ZSCAN12: variants seen among roughly 807,000 people sequenced by gnomAD.
The protein encoded by ZSCAN12 is zinc finger and SCAN domain-containing protein 12.
A neutral mutation model predicts 23.4 loss-of-function variants in ZSCAN12; 18 were observed. The ratio of observed to expected loss-of-function variants is 0.77; its 90% CI spans 0.53 to 1.14. The LOEUF is 1.14. ZSCAN12 is among the 50% of genes most tolerant of loss of function. ZSCAN12 has a pLI of 0.00. For missense variants in ZSCAN12, 650 were observed against 735.0 expected, an observed-to-expected ratio of 0.88 and a Z score of 1.34; for synonymous variants, 186 against 253.4, an observed-to-expected ratio of 0.73 and a Z score of 2.53.
Position 28,390,517 on chromosome 6 carries a change from C to A in ZSCAN12, c.1773G>T (p.Arg591Ser). Residue 591 changes from arginine (R) to serine (S), a missense_variant, in exon 4 of 4, where the codon AGG becomes AGT. Transcript: ENST00000684592. ...GATGTTGAGTAAGAGCTGAGTTCTG[C>A]CTGAATGATTTCCCACACTCTTTAC... is the stretch of plus-strand genomic sequence containing the variant. ...YVCKECGKSF[R>S]QNSALTQHQT... 1.3e-6 allele frequency: 2 copies of A among 1,553,728 alleles called. No individual in the cohort carries two copies. Among genetic ancestry groups the A allele is most frequent in the Admixed American group, 3.9e-5 (2 of 51,144 alleles).
At chr6:28,381,208 C>A (rs1376686099), downstream of ZSCAN12, 2 of 152,074 alleles carry the variant, frequency 1.3e-5, no homozygotes, top group South Asian at 2.1e-4. Flanking sequence ...ATCATGAAAC[C>A]AAGAGAAAGT....
Position 28,391,576 on chromosome 6 carries a change from A to G in ZSCAN12, c.714T>C (p.Ala238=). The part of the protein sequence containing the change: ...EPEEITEEPS[A]CSREDKQPTC... ...TAGGTTGTTTATCTTCTCTGGAGCAAGCAGAGGGCTCTTCTGTTATTTCTT... is the reference window on the plus strand; with the variant it reads ...TAGGTTGTTTATCTTCTCTGGAGCAGGCAGAGGGCTCTTCTGTTATTTCTT... The change falls in exon 4 of 4, where the codon GCT becomes GCC. Residue 238 remains alanine (A), a synonymous_variant. Transcript: ENST00000684592. The surrounding 1 kb of genome is among the most constrained non-coding windows in gnomAD (Gnocchi z 4.1). 6.4e-7 allele frequency: 1 copy of G among 1,552,286 alleles called. No individual in the cohort carries two copies. Among genetic ancestry groups the G allele is most frequent in the Non-Finnish European group, 8.7e-7 (1 of 1,147,106 alleles).
Position 28,390,729 on chromosome 6 carries a change from C to T in ZSCAN12, c.1561G>A (p.Gly521Arg). Reference protein sequence around the residue: ...VLTEHQRIHTGERPYKCDECG... With the variant: ...VLTEHQRIHTRERPYKCDECG... ...TCATCACACTTGTAGGGCCTCTCTC[C>T]AGTGTGGATTCTCTGATGTTCCGTG... Residue 521 changes from glycine (G) to arginine (R), a missense_variant, in exon 4 of 4, where the codon GGA becomes AGA. By Grantham distance (125) the Gly-to-Arg change is moderately radical. Coordinates refer to ENST00000684592, the MANE Select transcript of ZSCAN12 (RefSeq NM_001163391.2). The T allele has an allele frequency of 6.2e-7, 1 of 1,612,050 alleles. No homozygotes were observed. The highest frequency in any genetic ancestry group is 8.5e-7 in the Non-Finnish European group (1 of 1,178,970).
chr6:28,382,650 G>A (rs1187006832), downstream of ZSCAN12: 1 of 1,544,002 alleles, frequency 6.5e-7, no homozygotes, highest in Non-Finnish European at 8.7e-7. Context: ...GCTAAATTTT[G>A]TTTACTTCTT....
downstream of ZSCAN12, among the ~76,000 whole-genome samples, chr6:28,384,680 A>G (rs951640582): frequency 2.0e-4 from 31 of 152,248 alleles, no homozygotes; most frequent in African/African-American, 7.2e-4. Flanking sequence ...ACATCAAATT[A>G]TATACATGAG....
chr6:28,393,292 T>C (rs1220305029), intron 2 of ZSCAN12, among the ~76,000 whole-genome samples: 1 of 151,960 alleles, frequency 6.6e-6, no homozygotes, highest in Non-Finnish European at 1.5e-5. Flanking sequence ...GTTACCTCTT[T>C]ATCTTATGCT....
At position 28,390,683 on chromosome 6, in the gene ZSCAN12, C is replaced by T; in HGVS notation, c.1607G>A (p.Gly536Glu). Residue 536 changes from glycine to glutamate, a missense_variant, in exon 4 of 4, where the codon GGA becomes GAA. Gly to Glu is a moderately conservative substitution (Grantham distance 98). Coordinates refer to ENST00000684592, the MANE Select transcript of ZSCAN12 (RefSeq NM_001163391.2). ...CTGATGCTGAATGAGGCTGGTGATT[C>T]CTCGGAAGGCATTCCCACACTCATC... is the stretch of plus-strand genomic sequence containing the variant. The part of the protein sequence containing the change: ...KCDECGNAFR[G>E]ITSLIQHQRI... The T allele has an allele frequency of 6.2e-7, 1 of 1,613,040 alleles. No individual in the cohort carries two copies. Among genetic ancestry groups the T allele is most frequent in the South Asian group, 1.1e-5 (1 of 90,886 alleles).
At position 28,385,070 on chromosome 6, in the gene ZSCAN12, A is replaced by T. The variant is rs1377691863; in HGVS notation, c.*5384T>A. Among the ~76,000 whole-genome samples, 1 of 152,198 alleles carries T rather than the reference A, an allele frequency of 6.6e-6. No individual in the cohort carries two copies. Among genetic ancestry groups the T allele is most frequent in the African/African-American group, 2.4e-5 (1 of 41,432 alleles). ...CAAAGAAAAATATCATATATCACATATATGTGTGTGTGTGCATTTTTAAAT... is the reference window on the plus strand; with the variant it reads ...CAAAGAAAAATATCATATATCACATTTATGTGTGTGTGTGCATTTTTAAAT... On this transcript the variant is annotated 3_prime_UTR_variant, in exon 4 of 4. Coordinates refer to ENST00000684592, the MANE Select transcript of ZSCAN12 (RefSeq NM_001163391.2).
In ZSCAN12 at chr6:28,392,979, T is replaced by C; in HGVS notation, c.470A>G (p.Glu157Gly). Reference sequence around the variant, plus strand: ...CATGGACTGGAGGGACATACTGGGTTCTCCTTCTTTTCGTAGACGTACCGT... The same window carrying C: ...CATGGACTGGAGGGACATACTGGGTCCTCCTTCTTTTCGTAGACGTACCGT... ...QETVRLRKEG[E>G]PSMSLQSMKA... Residue 157 changes from glutamate to glycine, a missense_variant, in exon 3 of 4, where the codon GAA becomes GGA. Transcript: ENST00000684592. The C allele has an allele frequency of 6.4e-7, 1 of 1,552,108 alleles. No individual in the cohort carries two copies. Among genetic ancestry groups the C allele is most frequent in the Non-Finnish European group, 8.7e-7 (1 of 1,147,074 alleles).
chr6:28,383,635 CGG>C (rs964009813), downstream of ZSCAN12, among the ~76,000 whole-genome samples: 12 of 152,194 alleles, frequency 7.9e-5, no homozygotes, highest in African/African-American at 2.6e-4. Context: ...AAGAGCAGCT[CGG>C]AAGGCAAACT....
In ZSCAN12 at chr6:28,388,738, T is replaced by C. The variant is rs1293767299; in HGVS notation, c.*1716A>G. Among the ~76,000 whole-genome samples, 1 of 152,088 alleles carries C rather than the reference T, an allele frequency of 6.6e-6. No homozygotes were observed. Among genetic ancestry groups the C allele is most frequent in the Non-Finnish European group, 1.5e-5 (1 of 68,020 alleles). On this transcript the variant is annotated 3_prime_UTR_variant, in exon 4 of 4. Coordinates refer to ENST00000684592, the MANE Select transcript of ZSCAN12 (RefSeq NM_001163391.2). ...CAAACCCACTAACCAGCTAGAAGTG[T>C]GAAGAGAAGAGAGGACTGGAGTTGT... is the stretch of plus-strand genomic sequence containing the variant.
intron 2 of ZSCAN12, 31 bp from the exon 3 acceptor site, chr6:28,393,077 C>T (rs1760936046): frequency 1.5e-5 from 23 of 1,548,554 alleles, no homozygotes; most frequent in Non-Finnish European, 2.0e-5. Flanking sequence ...CTGACAGACT[C>T]ACTCTGATAA....
chr6:28,383,813 C>G (rs1760408511), downstream of ZSCAN12, among the ~76,000 whole-genome samples: 1 of 152,134 alleles, frequency 6.6e-6, no homozygotes. Flanking sequence ...GCTTTTATCT[C>G]AGGGCTAGGA....
In ZSCAN12 at chr6:28,391,101, G is replaced by T; in HGVS notation, c.1189C>A (p.Arg397=). 1 of 1,552,136 alleles carries T rather than the reference G, an allele frequency of 6.4e-7. No individual in the cohort carries two copies. Among genetic ancestry groups the T allele is most frequent in the South Asian group, 1.2e-5 (1 of 84,040 alleles). ...TGATGCTGAGTAAGTATGGAACGCC[G>T]ACTAAAACTTTTATTACACTGAGTG... The part of the protein sequence containing the change: ...QCTQCNKSFS[R]RSILTQHQGV... Residue 397 remains arginine (R), a synonymous_variant, in exon 4 of 4, where the codon CGG becomes AGG. Coordinates refer to ENST00000684592, the MANE Select transcript of ZSCAN12 (RefSeq NM_001163391.2). This position sits in a 1 kb window ranked among gnomAD's most constrained non-coding sequence, Gnocchi z 4.1.
chr6:28,387,526 G>A lies in ZSCAN12; in HGVS notation c.*2928C>T, dbSNP rs1760608956. Among the ~76,000 whole-genome samples, 1 of 152,146 alleles carries A rather than the reference G, an allele frequency of 6.6e-6. No individual in the cohort carries two copies. Among genetic ancestry groups the A allele is most frequent in the African/African-American group, 2.4e-5 (1 of 41,418 alleles). On this transcript the variant is annotated 3_prime_UTR_variant, in exon 4 of 4. Transcript: ENST00000684592. ...ACACAGGTTCTCATCACTAAGTAAA[G>A]TCCCCTCCACTGAGAAGAGTTTCTA...
rs1760642044 is a variant in ZSCAN12 at position 28,388,162 on chromosome 6, G to GA, written c.*2291dup. On this transcript the variant is annotated 3_prime_UTR_variant, in exon 4 of 4. Coordinates refer to ENST00000684592, the MANE Select transcript of ZSCAN12 (RefSeq NM_001163391.2). Reference sequence around the variant, plus strand: ...ACTCTGGGTTCCTTGTTTCCTGGAGGAAAAAAACTAGGTTTCCAATCCCAG... The same window carrying GA: ...ACTCTGGGTTCCTTGTTTCCTGGAGGAAAAAAAACTAGGTTTCCAATCCCAG... Among the ~76,000 whole-genome samples the GA allele has an allele frequency of 6.6e-6, 1 of 151,978 alleles. No homozygotes were observed. The highest frequency in any genetic ancestry group is 2.4e-5 in the African/African-American group (1 of 41,372).
At chr6:28,380,462 T>C (rs1049124989), downstream of ZSCAN12, 1 of 152,524 alleles carries the variant, frequency 6.6e-6, no homozygotes, top group Non-Finnish European at 1.5e-5. Context: ...TACGAGTTTG[T>C]ATAAGGTTTC....
chr6:28,386,123 C>T lies in ZSCAN12; in HGVS notation c.*4331G>A, dbSNP rs764342682. 2.0e-5 allele frequency among the ~76,000 whole-genome samples: 3 copies of T among 152,170 alleles called. No individual in the cohort carries two copies. Among genetic ancestry groups the T allele is most frequent in the Non-Finnish European group, 2.9e-5 (2 of 68,030 alleles). On this transcript the variant is annotated 3_prime_UTR_variant, in exon 4 of 4. Transcript: ENST00000684592. Reference sequence around the variant, plus strand: ...TGGAATCAGTTTGATTGTCAGGTTACGTTTTCATTCATAGCCCGTGTTGAA... The same window carrying T: ...TGGAATCAGTTTGATTGTCAGGTTATGTTTTCATTCATAGCCCGTGTTGAA...
At chr6:28,383,575 G>A (rs1485627701), downstream of ZSCAN12, among the ~76,000 whole-genome samples, 1 of 152,176 alleles carries the variant, frequency 6.6e-6, no homozygotes. Flanking sequence ...CTCCCAGGCC[G>A]GGGCGCGTCA....
Sources: gnomAD v4.1 joint callset for allele counts (sites outside exome capture counted in the v4.1 genomes callset) on GRCh38, gnomAD v4.1.1 for gene constraint, Gnocchi (gnomAD v3.1) non-coding constraint, MANE v1.5 for transcripts, NCBI Gene and HGNC (gene_info 2026-07-23, HGNC 2026-07-21) for gene names.